The following DHCR24 variants were observed in gnomAD, a reference collection of about 807,000 sequenced individuals.
DHCR24 encodes 24-dehydrocholesterol reductase.
Under a neutral mutation model 61.2 loss-of-function variants are expected in DHCR24, and 28 were observed. The ratio of observed to expected loss-of-function variants is 0.46; its 90% confidence interval spans 0.34 to 0.63. The LOEUF (loss-of-function observed/expected upper bound fraction) is 0.63, where lower values mean the gene tolerates loss of function less well. Ranked by LOEUF, DHCR24 falls within the 20% of genes least tolerant of loss-of-function variation. The pLI is 0.01. For missense variants in DHCR24, 538 were observed against 679.1 expected (o/e 0.79, Z 2.31); for synonymous variants, 261 against 275.9 (o/e 0.95, Z 0.54).
intron 3 of DHCR24, 51 bp from the exon 4 acceptor site, chr1:54,875,262 T>G (rs1570197554): frequency 6.3e-7 from 1 of 1,583,312 alleles, no homozygotes; most frequent in African/African-American, 1.4e-5. Flanking sequence ...GGGTACAGGG[T>G]TGGGGGTGGG....
Position 54,871,430 on chromosome 1 carries a change from A to G in DHCR24, c.796T>C (p.Phe266Leu). 6.2e-7 allele frequency: 1 copy of G among 1,614,152 alleles called. No homozygotes were observed. Among genetic ancestry groups the G allele is most frequent in the Non-Finnish European group, 8.5e-7 (1 of 1,180,008 alleles). Residue 266 changes from phenylalanine (F) to leucine (L), a missense_variant, in exon 5 of 9, where the codon TTC becomes CTC. Coordinates refer to ENST00000371269, the MANE Select transcript of DHCR24 (RefSeq NM_014762.4). ...THESQRQENH[F>L]VEGLLYSLDE... ...AGGGAGTAGAGCAGCCCTTCCACGA[A>G]GTGGTTCTCCTGCCGCTGGGACTCG...
At chr1:54,861,713 G>C (rs546881122) in intron 6 of DHCR24, among the ~76,000 whole-genome samples, 19 of 152,256 alleles carry the variant, frequency 1.2e-4, no homozygotes, top group African/African-American at 4.6e-4. Context: ...ACAGATTCCT[G>C]GGTGAAAACC....
At chr1:54,873,319 C>T (rs551371817) in intron 4 of DHCR24, among the ~76,000 whole-genome samples, 2 of 152,246 alleles carry the variant, frequency 1.3e-5, no homozygotes, top group African/African-American at 4.8e-5. Context: ...ACTGTACTGC[C>T]AGTTGTATAA....
intron 5 of DHCR24, among the ~76,000 whole-genome samples, chr1:54,867,909 T>A (rs968594651): frequency 2.0e-5 from 3 of 152,182 alleles, no homozygotes; most frequent in African/African-American, 7.2e-5. Flanking sequence ...AATGTTTGCA[T>A]AGTGCTAAAG....
rs954135385 is a variant in DHCR24 at position 54,887,119 on chromosome 1, T to TGGTGC, written c.-5_-1dup. 3.8e-6 allele frequency: 6 copies of TGGTGC among 1,573,860 alleles called. No homozygotes were observed. The highest frequency in any genetic ancestry group is 5.2e-6 in the Non-Finnish European group (6 of 1,160,658). ...ACGGCCAGCGACACGGCGGGCTCCA[T>TGGTGC]GGTGCGGCGCCGCGCGGTAAGCGCT... On this transcript the variant is annotated 5_prime_UTR_variant, in exon 1 of 9. Transcript: ENST00000371269.
chr1:54,860,657 C>T (rs1323315778), intron 6 of DHCR24, among the ~76,000 whole-genome samples: 2 of 152,196 alleles, frequency 1.3e-5, no homozygotes, highest in African/African-American at 4.8e-5. Context: ...GTTCCTTTCA[C>T]CGGTTCCTGG....
In DHCR24 at chr1:54,887,168, G is replaced by A. The variant is rs1315201408; in HGVS notation, c.-49C>T. On this transcript the variant is annotated 5_prime_UTR_variant, in exon 1 of 9. Coordinates refer to ENST00000371269, the MANE Select transcript of DHCR24 (RefSeq NM_014762.4). Reference sequence around the variant, plus strand: ...CTGCGGGTTCGCGCCTCCTGTCACTGCCGCCAGCTCCGCGCCTGGCCCGCT... The same window carrying A: ...CTGCGGGTTCGCGCCTCCTGTCACTACCGCCAGCTCCGCGCCTGGCCCGCT... 5.4e-6 allele frequency: 8 copies of A among 1,480,838 alleles called. No individual in the cohort carries two copies. In the East Asian group the frequency reaches 1.5e-4, roughly 28 times the overall value. The allele number at this position is 1,480,838 out of a possible 1,614,324, so 91.7% of individuals were successfully genotyped here.
intron 6 of DHCR24, among the ~76,000 whole-genome samples, chr1:54,860,065 T>TCACCCCTACACTCCTC: frequency 6.6e-6 from 1 of 152,160 alleles, no homozygotes; most frequent in Middle Eastern, 3.4e-3. Flanking sequence ...GATGAGACCC[T>TCACCCCTACACTCCTC]CACCCCTACA....
At chr1:54,870,161 A>C (rs1453417119) in intron 5 of DHCR24, among the ~76,000 whole-genome samples, 1 of 152,016 alleles carries the variant, frequency 6.6e-6, no homozygotes, top group Non-Finnish European at 1.5e-5. Flanking sequence ...GTTCAAGGCT[A>C]CAGTGAGCTG....
At position 54,852,364 on chromosome 1, in the gene DHCR24, A is replaced by T. The variant is rs1397123728; in HGVS notation, c.1420T>A (p.Cys474Ser). 4 of 1,614,176 alleles carry T rather than the reference A, an allele frequency of 2.5e-6. No individual in the cohort carries two copies. Among genetic ancestry groups the T allele is most frequent in the Non-Finnish European group, 3.4e-6 (4 of 1,180,054 alleles). Residue 474 changes from cysteine (C) to serine (S), a missense_variant, in exon 9 of 9, where the codon TGC becomes AGC. Coordinates refer to ENST00000371269, the MANE Select transcript of DHCR24 (RefSeq NM_014762.4). ...CAGAACTCCTCCCGGTTCATGTAGC[A>T]GTCGGCATACAGCATCTGGAAGCTG... ...VHGFQMLYAD[C>S]YMNREEFWEM...
At chr1:54,852,962 T>A (rs1646885103) in intron 8 of DHCR24, among the ~76,000 whole-genome samples, 1 of 152,226 alleles carries the variant, frequency 6.6e-6, no homozygotes, top group African/African-American at 2.4e-5. Context: ...CATTGTTTTT[T>A]CCTGGCTTTG....
At chr1:54,879,936 A>G (rs1297295565) in intron 2 of DHCR24, among the ~76,000 whole-genome samples, 1 of 152,174 alleles carries the variant, frequency 6.6e-6, no homozygotes, top group Non-Finnish European at 1.5e-5. Flanking sequence ...TTTAACCTTA[A>G]AAAACTGGAA....
chr1:54,880,996 A>G (rs1404064735), intron 2 of DHCR24, among the ~76,000 whole-genome samples: 1 of 152,026 alleles, frequency 6.6e-6, no homozygotes, highest in African/African-American at 2.4e-5. Flanking sequence ...TAAAAATACA[A>G]AAAATTAGCT....
chr1:54,864,218 T>G (rs561687439), intron 6 of DHCR24, among the ~76,000 whole-genome samples: 9 of 152,304 alleles, frequency 5.9e-5, no homozygotes, highest in African/African-American at 2.2e-4. Flanking sequence ...CCCAAAGAAC[T>G]GAAAACAAGT....
At position 54,886,944 on chromosome 1, in the gene DHCR24, T is replaced by C. The variant is rs1419146888; in HGVS notation, c.176A>G (p.Lys59Arg). 1.2e-6 allele frequency: 2 copies of C among 1,613,572 alleles called. No individual in the cohort carries two copies. Among genetic ancestry groups the C allele is most frequent in the Non-Finnish European group, 1.7e-6 (2 of 1,179,666 alleles). Residue 59 changes from lysine to arginine, a missense_variant, in exon 1 of 9, where the codon AAG becomes AGG. Transcript: ENST00000371269. Reference protein sequence around the residue: ...YYYVRAWVVFKLSSAPRLHEQ... With the variant: ...YYYVRAWVVFRLSSAPRLHEQ... ...GTGCAGGCGCGGAGCGCTGCTGAGC[T>C]TGAACACCACCCAGGCGCGCACGTA...
rs1287681088 is a variant in DHCR24 at position 54,883,601 on chromosome 1, A to G, written c.387+17T>C. The G allele has an allele frequency of 6.2e-7, 1 of 1,614,014 alleles. No individual in the cohort carries two copies. The highest frequency in any genetic ancestry group is 1.3e-5 in the African/African-American group (1 of 74,928). On this transcript the variant is annotated intron_variant, in intron 2 of 8. Coordinates refer to ENST00000371269, the MANE Select transcript of DHCR24 (RefSeq NM_014762.4). The surrounding 1 kb of genome is among the most constrained non-coding windows in gnomAD (Gnocchi z 4.3). ...TGCCCCACCTGCTCCCAGAGCCCGG[A>G]AAAGTGCTACTCTCACCTGTTTCTT...
In DHCR24 at chr1:54,886,649, T is replaced by G; in HGVS notation, c.231+240A>C. The G allele has an allele frequency of 8.3e-6, 12 of 1,447,002 alleles. No individual in the cohort carries two copies. The East Asian group carries it at 1.7e-4, about 20-fold the overall frequency. 89.6% of individuals were successfully genotyped at this position (1,447,002 alleles called of 1,614,324 possible). A position where few individuals can be genotyped will look rare whatever the true frequency, so the allele number is the denominator to read the frequency against. On this transcript the variant is annotated intron_variant, in intron 1 of 8. Transcript: ENST00000371269. ...GCTTCGCACCTCCCCCTCTTCCCCT[T>G]CTTCATCTCCCTCCAGGTACCCGCA... is the stretch of plus-strand genomic sequence containing the variant.
At chr1:54,855,449 A>G (rs991516246) in intron 6 of DHCR24, among the ~76,000 whole-genome samples, 2 of 151,432 alleles carry the variant, frequency 1.3e-5, no homozygotes, top group Admixed American at 6.6e-5. Flanking sequence ...ACCAGGTTCT[A>G]TGCTGGGTGC....
chr1:54,853,962 A>G, intron 7 of DHCR24, 75 bp downstream of exon 7: 1 of 1,456,604 alleles, frequency 6.9e-7, no homozygotes, highest in Admixed American at 1.9e-5. Context: ...AAGGTCGGTC[A>G]CACGGTTCAG....
Sources: gnomAD v4.1 joint callset for allele counts (sites outside exome capture counted in the v4.1 genomes callset) on GRCh38, gnomAD v4.1.1 for gene constraint, Gnocchi (gnomAD v3.1) non-coding constraint, MANE v1.5 for transcripts, NCBI Gene and HGNC (gene_info 2026-07-23, HGNC 2026-07-21) for gene names.